DCAF6: variants seen among roughly 807,000 people sequenced by gnomAD.
DCAF6 encodes the protein DDB1- and CUL4-associated factor 6.
In DCAF6, 54 loss-of-function variants were observed where a neutral mutation model predicts 125.1. The observed-to-expected ratio is 0.43, with a 90% CI of 0.35 to 0.54. The LOEUF is 0.54. Among genes scored for constraint, DCAF6 ranks in the 20% least tolerant of loss-of-function variants. DCAF6 has a pLI of 0.01. For missense variants in DCAF6, 934 were observed against 1,161.7 expected (o/e 0.80, Z 2.85); for synonymous variants, 371 against 390.4 (o/e 0.95, Z 0.58).
chr1:168,066,627 A>G lies in DCAF6; in HGVS notation c.2685+162A>G, dbSNP rs148597576. On this transcript the variant is annotated intron_variant, in intron 20 of 21. Transcript: ENST00000367840. The stretch of plus-strand genomic sequence containing the variant: ...GAAAAATTAAGATAAAAGGATGTCT[A>G]TAATACTAGGGAGGTAAAATCTAAA... Among the ~76,000 whole-genome samples, 38 of 152,300 alleles carry G rather than the reference A, an allele frequency of 2.5e-4. No individual in the cohort carries two copies. The East Asian group carries it at 4.6e-3, about 19-fold the overall frequency.
At chr1:167,951,967 T>C (rs1426823954) in intron 2 of DCAF6, 106 bp downstream of exon 2, 1 of 645,734 alleles carries the variant, frequency 1.5e-6, no homozygotes. Context: ...TATAATAAAA[T>C]GGGAGAATAA....
the DCAF6 span, among the ~76,000 whole-genome samples, chr1:167,923,463 T>G: frequency 2.6e-5 from 4 of 152,186 alleles, no homozygotes; most frequent in African/African-American, 9.6e-5. Flanking sequence ...AAATACATTT[T>G]GATTCCATTT....
chr1:168,070,198 A>G (rs553021221), intron 21 of DCAF6, among the ~76,000 whole-genome samples: 3 of 152,156 alleles, frequency 2.0e-5, no homozygotes, highest in Admixed American at 6.6e-5. Context: ...GACAATTTCT[A>G]GTTGGTTTAG....
chr1:167,897,543 ATATGTTGTTG>A, the DCAF6 span, among the ~76,000 whole-genome samples: 22 of 36 alleles, frequency 0.61, 4 homozygotes, highest in African/African-American at 0.65. Flanking sequence ...AGAGAGAGAG[ATATGTTGTTG>A]GAGATGCAGA....
At chr1:167,987,471 C>A in intron 4 of DCAF6, 24 bp from the exon 5 acceptor site, 1 of 1,092,820 alleles carries the variant, frequency 9.2e-7, no homozygotes, top group African/African-American at 1.5e-5. Flanking sequence ...GTATGATTAT[C>A]TGCACTTTTC....
intron 7 of DCAF6, among the ~76,000 whole-genome samples, chr1:167,997,774 A>T (rs1419082300): frequency 6.6e-6 from 1 of 152,216 alleles, no homozygotes; most frequent in African/African-American, 2.4e-5. Flanking sequence ...TATAAGGAAC[A>T]CTTACAGTGC....
At chr1:168,041,832 C>CT (rs200224937) in intron 13 of DCAF6, among the ~76,000 whole-genome samples, 1,613 of 149,180 alleles carry the variant, frequency 0.011, 33 homozygotes, top group African/African-American at 0.036. Context: ...ACCACCTTAG[C>CT]TTTTTTTTGC....
chr1:168,022,166 G>C (rs144624606), intron 11 of DCAF6, among the ~76,000 whole-genome samples: 1 of 152,240 alleles, frequency 6.6e-6, no homozygotes, highest in Non-Finnish European at 1.5e-5. Context: ...ACTAACTTCT[G>C]ATGAGTGCTC....
intron 13 of DCAF6, among the ~76,000 whole-genome samples, chr1:168,039,342 T>C (rs1051239551): frequency 2.0e-5 from 3 of 151,654 alleles, no homozygotes; most frequent in Non-Finnish European, 4.4e-5. Context: ...TAGTATTTAA[T>C]TGATTATTAG....
chr1:167,895,513 T>G, the DCAF6 span, among the ~76,000 whole-genome samples: 1 of 152,234 alleles, frequency 6.6e-6, no homozygotes. Flanking sequence ...CTGATGTTTC[T>G]CACTTGGATG....
chr1:168,017,194 A>G (rs1685091223), intron 11 of DCAF6, among the ~76,000 whole-genome samples: 1 of 151,716 alleles, frequency 6.6e-6, no homozygotes, highest in Non-Finnish European at 1.5e-5. Context: ...TGACCAGATT[A>G]CAATAATGAC....
chr1:167,940,894 T>A (rs189445813), intron 1 of DCAF6, among the ~76,000 whole-genome samples: 1 of 152,292 alleles, frequency 6.6e-6, no homozygotes, highest in East Asian at 1.9e-4. Flanking sequence ...CAGTGACAAT[T>A]TTTTAGTGGA....
chr1:167,898,880 T>A, the DCAF6 span, among the ~76,000 whole-genome samples: 3 of 152,124 alleles, frequency 2.0e-5, no homozygotes, highest in Non-Finnish European at 2.9e-5. Context: ...ACAGCTTTTT[T>A]AATTGTCCAT....
the DCAF6 span, among the ~76,000 whole-genome samples, chr1:167,869,105 A>G: frequency 2.1e-4 from 32 of 152,242 alleles, no homozygotes; most frequent in African/African-American, 6.5e-4. Flanking sequence ...AAACATGACA[A>G]AACTGGCACA....
At chr1:168,002,376 C>A in intron 7 of DCAF6, 106 bp from the exon 8 acceptor site, 3 of 938,702 alleles carry the variant, frequency 3.2e-6, no homozygotes, top group Non-Finnish European at 5.0e-6. Flanking sequence ...AATTTGCATA[C>A]TCAAGAAGTA....
intron 19 of DCAF6, 121 bp downstream of exon 19, chr1:168,065,867 C>G (rs557835893): frequency 4.2e-5 from 35 of 831,980 alleles, no homozygotes; most frequent in East Asian, 1.4e-4. Flanking sequence ...GACTAGGCAG[C>G]AGTAGAGTCA....
chr1:168,029,556 T>C (rs1686782344), intron 12 of DCAF6, among the ~76,000 whole-genome samples: 1 of 152,216 alleles, frequency 6.6e-6, no homozygotes, highest in South Asian at 2.1e-4. Context: ...CCACATTTTC[T>C]TTGTACCAAA....
At chr1:168,041,584 C>T (rs1246537946) in intron 13 of DCAF6, among the ~76,000 whole-genome samples, 1 of 151,698 alleles carries the variant, frequency 6.6e-6, no homozygotes, top group Non-Finnish European at 1.5e-5. Flanking sequence ...TTGGTTTTAC[C>T]ACATGGCTGT....
chr1:167,930,210 TA>T, the DCAF6 span, among the ~76,000 whole-genome samples: 2 of 152,194 alleles, frequency 1.3e-5, no homozygotes, highest in Admixed American at 1.3e-4. Flanking sequence ...ATAATGTTTT[TA>T]AAAATGTTGA....
Sources: allele counts gnomAD v4.1 joint callset (sites outside exome capture counted in the v4.1 genomes callset), GRCh38; gene constraint gnomAD v4.1.1; transcripts MANE v1.5; gene names NCBI Gene and HGNC (gene_info 2026-07-23, HGNC 2026-07-21).